CDKAL1: variants seen among roughly 807,000 people sequenced by gnomAD.
CDKAL1 encodes the protein threonylcarbamoyladenosine tRNA methylthiotransferase.
A neutral mutation model predicts 68.2 loss-of-function variants in CDKAL1; 32 were observed. That is an observed-to-expected ratio of 0.47 (90% CI 0.35 to 0.63). The LOEUF (loss-of-function observed/expected upper bound fraction) is 0.63, where lower values mean the gene tolerates loss of function less well. Among genes scored for constraint, CDKAL1 ranks in the 30% least tolerant of loss-of-function variants. The probability of loss-of-function intolerance (pLI) is 0.00; values close to 1 mark genes in which losing one functional copy is unlikely to be tolerated. For synonymous variants in CDKAL1, 234 were observed against 244.3 expected (o/e 0.96, Z 0.39); for missense variants, 606 against 696.7 (o/e 0.87, Z 1.47).
chr6:20,742,828 T>C (rs1347005828), intron 6 of CDKAL1, among the ~76,000 whole-genome samples: 2 of 152,116 alleles, frequency 1.3e-5, no homozygotes, highest in African/African-American at 4.8e-5. Flanking sequence ...GTTAATATCA[T>C]TTTGTAGAGC....
chr6:20,822,061 T>TA (rs1034842295), intron 8 of CDKAL1, among the ~76,000 whole-genome samples: 20 of 152,200 alleles, frequency 1.3e-4, no homozygotes, highest in African/African-American at 4.3e-4. Flanking sequence ...ACTTTTGCTC[T>TA]ATGACAACAG....
chr6:20,928,876 G>GA (rs1183601381), intron 9 of CDKAL1, among the ~76,000 whole-genome samples: 1 of 151,722 alleles, frequency 6.6e-6, no homozygotes, highest in South Asian at 2.1e-4. Context: ...CTGTAGAATT[G>GA]AAAAAAATTA....
At chr6:20,987,528 G>T (rs1032518889) in intron 10 of CDKAL1, among the ~76,000 whole-genome samples, 3 of 151,990 alleles carry the variant, frequency 2.0e-5, no homozygotes, top group Non-Finnish European at 4.4e-5. Context: ...GTGCTGGGGG[G>T]TTATAAGCGT....
At chr6:20,619,192 A>G (rs1767066197) in intron 4 of CDKAL1, among the ~76,000 whole-genome samples, 1 of 152,220 alleles carries the variant, frequency 6.6e-6, no homozygotes, top group African/African-American at 2.4e-5. Context: ...CTCCAAAGGC[A>G]ACTTCAGAAA....
chr6:20,718,941 T>C (rs980056914), intron 5 of CDKAL1, among the ~76,000 whole-genome samples: 1 of 152,236 alleles, frequency 6.6e-6, no homozygotes, highest in African/African-American at 2.4e-5. Context: ...ATCACAATAA[T>C]AGATTTTTAG....
At chr6:21,027,643 T>G (rs1769034538) in intron 11 of CDKAL1, among the ~76,000 whole-genome samples, 1 of 152,210 alleles carries the variant, frequency 6.6e-6, no homozygotes, top group Admixed American at 6.5e-5. Context: ...AAGTGCTCAC[T>G]TGTCCTTCTG....
intron 4 of CDKAL1, among the ~76,000 whole-genome samples, chr6:20,632,326 G>T (rs1767708721): frequency 6.6e-6 from 1 of 152,208 alleles, no homozygotes; most frequent in South Asian, 2.1e-4. Flanking sequence ...AGAGAGCGTT[G>T]TAGTGCATAT....
chr6:20,813,470 T>C (rs559867202), intron 8 of CDKAL1, among the ~76,000 whole-genome samples: 1 of 152,190 alleles, frequency 6.6e-6, no homozygotes, highest in African/African-American at 2.4e-5. Flanking sequence ...TAAAGTCCAG[T>C]TTATGATATT....
At chr6:21,039,494 A>G (rs1299080032) in intron 11 of CDKAL1, among the ~76,000 whole-genome samples, 1 of 152,166 alleles carries the variant, frequency 6.6e-6, no homozygotes, top group Non-Finnish European at 1.5e-5. Flanking sequence ...CATCATTACC[A>G]TTACCTTTAA....
intron 4 of CDKAL1, among the ~76,000 whole-genome samples, chr6:20,639,163 T>C (rs768071107): frequency 1.3e-5 from 2 of 152,188 alleles, no homozygotes; most frequent in Non-Finnish European, 2.9e-5. Flanking sequence ...TTATTTTTCA[T>C]TTAAAAGAAA....
intron 13 of CDKAL1, among the ~76,000 whole-genome samples, chr6:21,139,802 C>G (rs1316440266): frequency 7.2e-5 from 11 of 152,202 alleles, no homozygotes; most frequent in Admixed American, 7.2e-4. Flanking sequence ...GCCACTGCTC[C>G]CAGCCTCCTG....
chr6:20,791,506 T>C (rs751393930), intron 8 of CDKAL1, among the ~76,000 whole-genome samples: 9 of 152,200 alleles, frequency 5.9e-5, no homozygotes, highest in Middle Eastern at 3.4e-3. Context: ...AGTTGTTTAG[T>C]TAATTGAAAG....
In CDKAL1 at chr6:20,566,510, G is replaced by T. The variant is rs1204435873; in HGVS notation, c.286+17805G>T. 2.0e-5 allele frequency among the ~76,000 whole-genome samples: 3 copies of T among 149,536 alleles called. No individual in the cohort carries two copies. The Admixed American group carries it at 2.0e-4, about 10-fold the overall frequency. Reference sequence around the variant, plus strand: ...TATAAAATATACATAATTTTAATAGGACTTTATGTCTGAACATTCATTGAA... The same window carrying T: ...TATAAAATATACATAATTTTAATAGTACTTTATGTCTGAACATTCATTGAA... On this transcript the variant is annotated intron_variant, in intron 4 of 15. Transcript: ENST00000274695.
chr6:20,752,981 G>GT (rs942498672), intron 6 of CDKAL1, among the ~76,000 whole-genome samples: 5 of 151,620 alleles, frequency 3.3e-5, no homozygotes, highest in South Asian at 2.1e-4. Context: ...CACTCCCAAC[G>GT]TTTTTTTTCT....
intron 10 of CDKAL1, among the ~76,000 whole-genome samples, chr6:20,965,813 T>C (rs1765279127): frequency 6.6e-6 from 1 of 152,242 alleles, no homozygotes; most frequent in African/African-American, 2.4e-5. Flanking sequence ...GCTGTGGGCT[T>C]TATCTTCCTC....
intron 13 of CDKAL1, among the ~76,000 whole-genome samples, chr6:21,112,622 C>A (rs1424536667): frequency 6.6e-6 from 1 of 152,142 alleles, no homozygotes; most frequent in Non-Finnish European, 1.5e-5. Context: ...TGATAACTAT[C>A]ATTATTTAAT....
intron 9 of CDKAL1, among the ~76,000 whole-genome samples, chr6:20,951,186 T>C (rs1329699380): frequency 6.6e-6 from 1 of 152,152 alleles, no homozygotes; most frequent in African/African-American, 2.4e-5. Context: ...TCATGAATAA[T>C]TGAAACAACT....
chr6:20,840,709 A>G (rs938725308), intron 8 of CDKAL1, among the ~76,000 whole-genome samples: 2 of 152,204 alleles, frequency 1.3e-5, no homozygotes, highest in African/African-American at 4.8e-5. Flanking sequence ...AACAGGTATT[A>G]TGTTATCATT....
rs924209615 is a variant in CDKAL1 at position 20,953,713 on chromosome 6, G to T, written c.743-1706G>T. Among the ~76,000 whole-genome samples the T allele has an allele frequency of 5.3e-5, 8 of 152,136 alleles. 1 individual carries two copies. Among genetic ancestry groups the T allele is most frequent in the African/African-American group, 1.4e-4 (6 of 41,430 alleles). Reference sequence around the variant, plus strand: ...GTGTACAGAGAATATTTATAAAATTGTACACCTCTAAAAATAGCCTATGGA... The same window carrying T: ...GTGTACAGAGAATATTTATAAAATTTTACACCTCTAAAAATAGCCTATGGA... On this transcript the variant is annotated intron_variant, in intron 9 of 15. Transcript: ENST00000274695.
Sources: allele counts gnomAD v4.1 joint callset (sites outside exome capture counted in the v4.1 genomes callset), GRCh38; gene constraint gnomAD v4.1.1; transcripts MANE v1.5; gene names NCBI Gene and HGNC (gene_info 2026-07-23, HGNC 2026-07-21).